Variants in CCDC85C observed in about 807,000 individuals in gnomAD.
CCDC85C encodes coiled-coil domain containing 85C.
CCDC85C carries 18 observed loss-of-function variants against 38.3 expected under a neutral mutation model. That is an observed-to-expected ratio of 0.47 (90% CI 0.33 to 0.70). CCDC85C has a LOEUF of 0.70. CCDC85C is among the 30% of genes least tolerant of loss of function. The probability of loss-of-function intolerance (pLI) is 0.03; values close to 1 mark genes in which losing one functional copy is unlikely to be tolerated. For missense variants in CCDC85C, 566 were observed against 621.2 expected (o/e 0.91, Z 0.94); for synonymous variants, 264 against 293.8 (o/e 0.90, Z 1.04).
At chr14:99,581,848 T>G (rs2054973958) in intron 1 of CCDC85C, among the ~76,000 whole-genome samples, 1 of 152,138 alleles carries the variant, frequency 6.6e-6, no homozygotes, top group Non-Finnish European at 1.5e-5. Flanking sequence ...GTCAGAAAGG[T>G]CGTTCCATCT....
chr14:99,537,750 C>T (rs532277256), intron 1 of CCDC85C, among the ~76,000 whole-genome samples: 4 of 152,294 alleles, frequency 2.6e-5, no homozygotes, highest in Admixed American at 2.6e-4. Flanking sequence ...AGCCCTGATC[C>T]CTCCCTCCCT....
intron 2 of CCDC85C, among the ~76,000 whole-genome samples, chr14:99,525,405 G>A (rs1897365090): frequency 6.6e-6 from 1 of 152,200 alleles, no homozygotes. Context: ...GATAAGACAT[G>A]GAAACAGAGC....
Position 99,572,836 on chromosome 14 carries a change from G to C in CCDC85C, c.793+30331C>G. On this transcript the variant is annotated intron_variant, in intron 1 of 5. Transcript: ENST00000380243. The surrounding 1 kb of genome is among the most constrained non-coding windows in gnomAD (Gnocchi z 4.4). The stretch of plus-strand genomic sequence containing the variant: ...CCCAGGAGCATGGAAACGGGGCCTG[G>C]TGTGCAACAGGTGCTCAGTAAACGG... The C allele has an allele frequency of 2.2e-6, 1 of 456,112 alleles. No individual in the cohort carries two copies. Among genetic ancestry groups the C allele is most frequent in the Non-Finnish European group, 4.4e-6 (1 of 226,806 alleles). The allele number at this position is 456,112 out of a possible 1,614,324, so 28.3% of individuals were successfully genotyped here. A position where few individuals can be genotyped will look rare whatever the true frequency, so the allele number is the denominator to read the frequency against.
chr14:99,529,349 G>A (rs2139909818), intron 2 of CCDC85C, among the ~76,000 whole-genome samples: 1 of 152,156 alleles, frequency 6.6e-6, no homozygotes, highest in South Asian at 2.1e-4. Flanking sequence ...GGAGCTTTGA[G>A]GTGTGCAGTT....
At position 99,545,174 on chromosome 14, in the gene CCDC85C, C is replaced by T. The variant is rs909194694; in HGVS notation, c.794-9086G>A. On this transcript the variant is annotated intron_variant, in intron 1 of 5. Transcript: ENST00000380243. The surrounding 1 kb of genome is among the most constrained non-coding windows in gnomAD (Gnocchi z 4.7). ...ATCTGTCCCCTCGTGGGCCACTCTG[C>T]TCTGGGCTGGGGACTCCCACACCGG... Among the ~76,000 whole-genome samples, 1 of 152,232 alleles carries T rather than the reference C, an allele frequency of 6.6e-6. No homozygotes were observed. The highest frequency in any genetic ancestry group is 2.4e-5 in the African/African-American group (1 of 41,466).
Position 99,536,028 on chromosome 14 carries a change from T to G in CCDC85C, c.854A>C (p.Lys285Thr). 6.4e-7 allele frequency: 1 copy of G among 1,551,384 alleles called. No individual in the cohort carries two copies. Among genetic ancestry groups the G allele is most frequent in the Non-Finnish European group, 8.7e-7 (1 of 1,146,840 alleles). Residue 285 changes from lysine (K) to threonine (T), a missense_variant, in exon 2 of 6, where the codon AAG (lysine) becomes ACG (threonine). Physicochemically the swap from Lys to Thr is moderately conservative, Grantham distance 78. Transcript: ENST00000380243. ...ESKVRLLEGDKLLAQQAGSGE... is the reference protein window; with the variant it reads ...ESKVRLLEGDTLLAQQAGSGE... ...AAGCCGGCCTACCTGTGCGAGGAGCTTGTCACCCTCCAGCAGCCTCACTTT... is the reference window on the plus strand; with the variant it reads ...AAGCCGGCCTACCTGTGCGAGGAGCGTGTCACCCTCCAGCAGCCTCACTTT...
rs1350367290 is a variant in CCDC85C at position 99,569,734 on chromosome 14, C to G, written c.793+33433G>C. 6.6e-6 allele frequency among the ~76,000 whole-genome samples: 1 copy of G among 152,158 alleles called. No individual in the cohort carries two copies. The highest frequency in any genetic ancestry group is 1.5e-5 in the Non-Finnish European group (1 of 68,022). ...TGCTTCCCCCCAACATGTCACACAC[C>G]CCACATTTCAGGTGCAATGCTCCAA... On this transcript the variant is annotated intron_variant, in intron 1 of 5. Coordinates refer to ENST00000380243, the MANE Select transcript of CCDC85C (RefSeq NM_001144995.2). The surrounding 1 kb of genome is among the most constrained non-coding windows in gnomAD (Gnocchi z 4.3).
chr14:99,583,002 T>G (rs2054989720), intron 1 of CCDC85C: 1 of 152,156 alleles, frequency 6.6e-6, no homozygotes. Flanking sequence ...TTCCATAAAT[T>G]TAAAATCTGC....
chr14:99,555,424 C>G (rs2139942697), intron 1 of CCDC85C, among the ~76,000 whole-genome samples: 1 of 152,316 alleles, frequency 6.6e-6, no homozygotes, highest in Middle Eastern at 3.4e-3. Flanking sequence ...CTGGCCCTGC[C>G]CCACAGCTGT....
intron 1 of CCDC85C, among the ~76,000 whole-genome samples, chr14:99,543,217 C>T (rs1339904873): frequency 6.6e-6 from 1 of 152,160 alleles, no homozygotes; most frequent in African/African-American, 2.4e-5. Flanking sequence ...AGCTGCTTAC[C>T]TACCCCAGTG....
intron 1 of CCDC85C, among the ~76,000 whole-genome samples, chr14:99,561,759 C>CT (rs1363517876): frequency 6.6e-6 from 1 of 152,192 alleles, no homozygotes; most frequent in African/African-American, 2.4e-5. Flanking sequence ...ACACATGAAG[C>CT]TGGGTAAATG....
chr14:99,533,686 C>G lies in CCDC85C; in HGVS notation c.867+2329G>C, dbSNP rs886381355. On this transcript the variant is annotated intron_variant, in intron 2 of 5. Coordinates refer to ENST00000380243, the MANE Select transcript of CCDC85C (RefSeq NM_001144995.2). The surrounding 1 kb of genome is among the most constrained non-coding windows in gnomAD (Gnocchi z 4.2). ...GAGCCCTGCTGCTACCCCCAGGGAG[C>G]TGGTGGGAGCAGGCCTGGGGAGGAA... Among the ~76,000 whole-genome samples, 2 of 152,204 alleles carry G rather than the reference C, an allele frequency of 1.3e-5. No homozygotes were observed. Among genetic ancestry groups the G allele is most frequent in the African/African-American group, 4.8e-5 (2 of 41,468 alleles).
chr14:99,544,489 G>GGTGTGTGTGTGTGTGTGT lies in CCDC85C; in HGVS notation c.794-8419_794-8402dup, dbSNP rs111754976. ...ATAAAAACAGGGCTAAAATTTGAAG[G>GGTGTGTGTGTGTGTGTGT]GTGTGTGTGTGTGTGTGTGTGTGTG... On this transcript the variant is annotated intron_variant, in intron 1 of 5. Coordinates refer to ENST00000380243, the MANE Select transcript of CCDC85C (RefSeq NM_001144995.2). The surrounding 1 kb of genome is among the most constrained non-coding windows in gnomAD (Gnocchi z 5.3). Among the ~76,000 whole-genome samples, 1 of 147,920 alleles carries GGTGTGTGTGTGTGTGTGT rather than the reference G, an allele frequency of 6.8e-6. No individual in the cohort carries two copies. The highest frequency in any genetic ancestry group is 2.5e-5 in the African/African-American group (1 of 40,368).
Position 99,603,063 on chromosome 14 carries a change from CG to C in CCDC85C, c.793+103del, listed in dbSNP as rs1363938589. The C allele has an allele frequency of 6.4e-6, 8 of 1,241,204 alleles. No individual in the cohort carries two copies. Among genetic ancestry groups the C allele is most frequent in the Non-Finnish European group, 8.1e-6 (8 of 987,034 alleles). The allele number at this position is 1,241,204 out of a possible 1,614,324, so 76.9% of individuals were successfully genotyped here. ...TGACAGCTGGAGGAGTCTGGAGTGG[CG>C]GCCGCATGAGTGGGACAGCCAGGGA... On this transcript the variant is annotated intron_variant, in intron 1 of 5. Coordinates refer to ENST00000380243, the MANE Select transcript of CCDC85C (RefSeq NM_001144995.2). The surrounding 1 kb of genome is among the most constrained non-coding windows in gnomAD (Gnocchi z 7.5).
chr14:99,535,871 C>A lies in CCDC85C; in HGVS notation c.867+144G>T. On this transcript the variant is annotated intron_variant, in intron 2 of 5. Coordinates refer to ENST00000380243, the MANE Select transcript of CCDC85C (RefSeq NM_001144995.2). The surrounding 1 kb of genome is among the most constrained non-coding windows in gnomAD (Gnocchi z 5.5). ...GTGGGAGCCAGGGTTAGGTCCCTGACCCCACTTTCCAGGAGGTGACAGGTG... is the reference window on the plus strand; with the variant it reads ...GTGGGAGCCAGGGTTAGGTCCCTGAACCCACTTTCCAGGAGGTGACAGGTG... 1 of 668,666 alleles carries A rather than the reference C, an allele frequency of 1.5e-6. No homozygotes were observed. The highest frequency in any genetic ancestry group is 1.7e-5 in the South Asian group (1 of 57,596). The allele number at this position is 668,666 out of a possible 1,614,324, so 41.4% of individuals were successfully genotyped here. A position where few individuals can be genotyped will look rare whatever the true frequency, so the allele number is the denominator to read the frequency against.
rs1385942878 is a variant in CCDC85C, at chr14:99,603,605, C to T, written c.355G>A (p.Glu119Lys). 1.4e-6 allele frequency: 2 copies of T among 1,452,904 alleles called. No individual in the cohort carries two copies. The highest frequency in any genetic ancestry group is 1.4e-5 in the South Asian group (1 of 73,958). The allele number at this position is 1,452,904 out of a possible 1,614,324, so 90.0% of individuals were successfully genotyped here. A position where few individuals can be genotyped will look rare whatever the true frequency, so the allele number is the denominator to read the frequency against. Residue 119 changes from glutamate (E) to lysine (K), a missense_variant, in exon 1 of 6, where the codon GAG (glutamate) becomes AAG (lysine). Glu to Lys is a moderately conservative substitution (Grantham distance 56). Coordinates refer to ENST00000380243, the MANE Select transcript of CCDC85C (RefSeq NM_001144995.2). The surrounding 1 kb of genome is among the most constrained non-coding windows in gnomAD (Gnocchi z 7.5). ...GRHAAGAVWH[E>K]VARSQQKLRE... ...AGCTTCTGCTGCGAGCGGGCCACCT[C>T]GTGCCACACGGCGCCGGCCGCGTGG...
intron 1 of CCDC85C, among the ~76,000 whole-genome samples, chr14:99,571,685 T>A (rs1355782781): frequency 6.6e-6 from 1 of 152,192 alleles, no homozygotes; most frequent in Non-Finnish European, 1.5e-5. Context: ...TGCCAGCAAC[T>A]CCTTAGAGAA....
rs138550042 is a variant in CCDC85C, at chr14:99,519,820, T to C, written c.975+2313A>G. On this transcript the variant is annotated intron_variant, in intron 3 of 5. Transcript: ENST00000380243. Reference sequence around the variant, plus strand: ...ACACAAAAGGCCACACGTCATGTGATTCCATTTATACGAAATATCCAGAAT... The same window carrying C: ...ACACAAAAGGCCACACGTCATGTGACTCCATTTATACGAAATATCCAGAAT... Among the ~76,000 whole-genome samples, 839 of 152,364 alleles carry C rather than the reference T, an allele frequency of 5.5e-3. 4 individuals carry two copies. The highest frequency in any genetic ancestry group is 0.019 in the African/African-American group (801 of 41,586).
intron 3 of CCDC85C, among the ~76,000 whole-genome samples, chr14:99,521,705 C>T (rs1425105082): frequency 2.0e-5 from 3 of 152,200 alleles, no homozygotes; most frequent in Non-Finnish European, 4.4e-5. Context: ...GGCTCCAAGC[C>T]GCCCACCCCA....
Sources: gnomAD v4.1 joint callset for allele counts (sites outside exome capture counted in the v4.1 genomes callset) on GRCh38, gnomAD v4.1.1 for gene constraint, Gnocchi (gnomAD v3.1) non-coding constraint, MANE v1.5 for transcripts, NCBI Gene and HGNC (gene_info 2026-07-23, HGNC 2026-07-21) for gene names.